MDFIC2: variants seen among roughly 807,000 people sequenced by gnomAD.
MDFIC2 encodes myoD family inhibitor domain-containing protein 2.
chr3:70,202,850 ATC>A (rs1168687609), intron 3 of MDFIC2, among the ~76,000 whole-genome samples: 1 of 152,108 alleles, frequency 6.6e-6, no homozygotes, highest in East Asian at 1.9e-4. Context: ...AGGAGGGAGA[ATC>A]TCTCTCACTA....
intron 2 of MDFIC2, among the ~76,000 whole-genome samples, chr3:70,266,896 C>G (rs1330844717): frequency 1.3e-5 from 2 of 152,222 alleles, no homozygotes; most frequent in African/African-American, 4.8e-5. Context: ...CATCCACTGC[C>G]TGCCACAGAA....
At chr3:70,312,019 C>G (rs1487458764) in intron 1 of MDFIC2, 46 bp from the exon 2 acceptor site, 1 of 396,834 alleles carries the variant, frequency 2.5e-6, no homozygotes, top group Non-Finnish European at 4.4e-6. Flanking sequence ...ATTAAGAACC[C>G]AAATTTATAA....
In MDFIC2 at chr3:70,242,340, A is replaced by G. The variant is rs548705935; in HGVS notation, c.89-35550T>C. 3.9e-5 allele frequency among the ~76,000 whole-genome samples: 6 copies of G among 152,286 alleles called. No homozygotes were observed. The South Asian group carries it at 1.2e-3, about 32-fold the overall frequency. On this transcript the variant is annotated intron_variant, in intron 2 of 3. Coordinates refer to ENST00000567252, the MANE Select transcript of MDFIC2 (RefSeq NM_001364677.1). ...ACATCCTCTTGATCTTTTTGCAAAA[A>G]CACAGCTATGATTTTGTCAGTTTTT...
chr3:70,275,913 T>C (rs1160670026), intron 2 of MDFIC2, among the ~76,000 whole-genome samples: 2 of 152,192 alleles, frequency 1.3e-5, no homozygotes, highest in Non-Finnish European at 2.9e-5. Flanking sequence ...TTGCTCATTG[T>C]CGATGCAAAT....
chr3:70,239,951 C>T (rs916899205), intron 2 of MDFIC2, among the ~76,000 whole-genome samples: 1 of 151,990 alleles, frequency 6.6e-6, no homozygotes, highest in Non-Finnish European at 1.5e-5. Flanking sequence ...GTATTTCTTT[C>T]ACTGACCAAA....
chr3:70,304,811 G>A lies in MDFIC2; in HGVS notation c.88+7075C>T, dbSNP rs563626621. Among the ~76,000 whole-genome samples the A allele has an allele frequency of 2.2e-3, 331 of 152,018 alleles. 1 individual carries two copies. The highest frequency in any genetic ancestry group is 7.5e-3 in the African/African-American group (313 of 41,474). On this transcript the variant is annotated intron_variant, in intron 2 of 3. Transcript: ENST00000567252. ...CCGTGGCTTCTAATTCCAAATAGGC[G>A]AAAAAAATATCCAGATTCCCAACTG...
intron 2 of MDFIC2, among the ~76,000 whole-genome samples, chr3:70,225,138 T>C (rs1362941252): frequency 6.6e-6 from 1 of 152,202 alleles, no homozygotes. Context: ...TCAAAGCAAG[T>C]ACATCCTTTC....
At chr3:70,232,409 T>G (rs531189385) in intron 2 of MDFIC2, among the ~76,000 whole-genome samples, 2 of 151,916 alleles carry the variant, frequency 1.3e-5, no homozygotes, top group Non-Finnish European at 2.9e-5. Flanking sequence ...TTCCTATTTT[T>G]TTTTTTTTCT....
intron 2 of MDFIC2, among the ~76,000 whole-genome samples, chr3:70,284,295 C>G (rs968740502): frequency 6.6e-6 from 1 of 152,160 alleles, no homozygotes; most frequent in African/African-American, 2.4e-5. Flanking sequence ...CTGTAAACTG[C>G]TCTACAATTT....
intron 2 of MDFIC2, among the ~76,000 whole-genome samples, chr3:70,299,035 G>A (rs533335205): frequency 2.6e-5 from 4 of 152,096 alleles, no homozygotes; most frequent in East Asian, 1.9e-4. Flanking sequence ...AGGATCTCAC[G>A]TGGTGCTTTG....
intron 3 of MDFIC2, among the ~76,000 whole-genome samples, chr3:70,204,055 G>A (rs1395308693): frequency 6.6e-6 from 1 of 152,142 alleles, no homozygotes; most frequent in Admixed American, 6.6e-5. Context: ...ACCATGAACT[G>A]TGCTAATGGA....
chr3:70,281,381 G>A (rs541167346), intron 2 of MDFIC2, among the ~76,000 whole-genome samples: 38 of 152,212 alleles, frequency 2.5e-4, no homozygotes, highest in Admixed American at 1.7e-3. Flanking sequence ...TAATGGGTAC[G>A]ATCATAAGCT....
chr3:70,195,520 G>A lies in MDFIC2; in HGVS notation c.*1406C>T, dbSNP rs150564495. On this transcript the variant is annotated 3_prime_UTR_variant, in exon 4 of 4. Transcript: ENST00000567252. ...TCAAATTGGAAAAATGTGCTAGTTT[G>A]CTACAGAAATAAAGCAAATGGTGAT... 2.9e-3 allele frequency among the ~76,000 whole-genome samples: 446 copies of A among 152,260 alleles called. 3 individuals carry two copies. Among genetic ancestry groups the A allele is most frequent in the African/African-American group, 0.01 (430 of 41,548 alleles).
intron 2 of MDFIC2, among the ~76,000 whole-genome samples, chr3:70,217,658 T>G (rs926405172): frequency 2.0e-5 from 3 of 152,188 alleles, no homozygotes; most frequent in African/African-American, 7.2e-5. Flanking sequence ...TGTGGAAGTT[T>G]TGTTTCACAA....
intron 2 of MDFIC2, among the ~76,000 whole-genome samples, chr3:70,265,784 C>A (rs1421071312): frequency 6.6e-6 from 1 of 152,160 alleles, no homozygotes; most frequent in African/African-American, 2.4e-5. Context: ...AACTTATAAT[C>A]ATGATGGGAG....
chr3:70,263,012 G>A (rs73836203), intron 2 of MDFIC2, among the ~76,000 whole-genome samples: 146 of 152,078 alleles, frequency 9.6e-4, no homozygotes, highest in African/African-American at 3.4e-3. Flanking sequence ...TTTAGGTATT[G>A]CATTTCTCTA....
chr3:70,249,797 C>T (rs991117692), intron 2 of MDFIC2: 18 of 152,156 alleles, frequency 1.2e-4, no homozygotes, highest in East Asian at 5.8e-4. Context: ...TGCTAAGATA[C>T]GGTAGTTATT....
intron 2 of MDFIC2, among the ~76,000 whole-genome samples, chr3:70,307,963 G>C (rs775498433): frequency 4.6e-5 from 7 of 152,150 alleles, no homozygotes; most frequent in Non-Finnish European, 7.3e-5. Context: ...CTCTCCACCT[G>C]TGCAAAGAGA....
chr3:70,231,815 G>T (rs1293857665), intron 2 of MDFIC2, among the ~76,000 whole-genome samples: 3 of 152,102 alleles, frequency 2.0e-5, no homozygotes, highest in African/African-American at 4.8e-5. Context: ...ACTTGGACCA[G>T]GAGTCACAAA....
Sources: gnomAD v4.1 joint callset for allele counts (sites outside exome capture counted in the v4.1 genomes callset) on GRCh38, gnomAD v4.1.1 for gene constraint, MANE v1.5 for transcripts, NCBI Gene and HGNC (gene_info 2026-07-23, HGNC 2026-07-21) for gene names.